The following BRD10 variants were observed in gnomAD, a reference collection of about 807,000 sequenced individuals.
BRD10 encodes uncharacterized bromodomain-containing protein 10.
the BRD10 span, among the ~76,000 whole-genome samples, chr9:5,955,769 T>G: frequency 6.6e-6 from 1 of 151,478 alleles, no homozygotes; most frequent in Non-Finnish European, 1.5e-5. Flanking sequence ...GTTATTTACT[T>G]CTGTGCTTAC....
At chr9:5,890,579 T>C in the BRD10 span, among the ~76,000 whole-genome samples, 1 of 152,142 alleles carries the variant, frequency 6.6e-6, no homozygotes. Context: ...GCAAAAGTAA[T>C]TGTGGTGTCG....
At chr9:5,966,744 C>A in the BRD10 span, among the ~76,000 whole-genome samples, 1 of 151,998 alleles carries the variant, frequency 6.6e-6, no homozygotes, top group Non-Finnish European at 1.5e-5. Context: ...AGGTGTAAGC[C>A]ACCGTGCCCA....
At chr9:5,997,899 CATAATAA>C in the BRD10 span, among the ~76,000 whole-genome samples, 2 of 152,252 alleles carry the variant, frequency 1.3e-5, no homozygotes, top group South Asian at 4.1e-4. Context: ...ACACACAATA[CATAATAA>C]ATAAGTTCAA....
the BRD10 span, among the ~76,000 whole-genome samples, chr9:5,993,727 C>T: frequency 6.6e-6 from 1 of 152,076 alleles, no homozygotes; most frequent in Non-Finnish European, 1.5e-5. Context: ...CCTGTCAGTC[C>T]CTCCTATTGG....
the BRD10 span, among the ~76,000 whole-genome samples, chr9:5,954,931 T>C: frequency 6.6e-6 from 1 of 151,882 alleles, no homozygotes; most frequent in African/African-American, 2.4e-5. Context: ...CTACTAAAAA[T>C]ACAAAAATTA....
At chr9:5,929,883 A>G in the BRD10 span, among the ~76,000 whole-genome samples, 2 of 152,282 alleles carry the variant, frequency 1.3e-5, no homozygotes, top group African/African-American at 2.4e-5. Flanking sequence ...TTAAGGTCCT[A>G]TAACTTAAAC....
At chr9:5,954,003 T>G in the BRD10 span, 7 of 1,504,158 alleles carry the variant, frequency 4.7e-6, no homozygotes, top group African/African-American at 9.7e-5. Context: ...CGAGACAAAG[T>G]TGAAACATTT....
At chr9:5,945,200 C>A in the BRD10 span, among the ~76,000 whole-genome samples, 11 of 152,178 alleles carry the variant, frequency 7.2e-5, no homozygotes, top group Admixed American at 2.6e-4. Context: ...CCCACATCCC[C>A]ACCTTTCAGT....
At chr9:5,893,852 G>A in the BRD10 span, among the ~76,000 whole-genome samples, 2 of 152,088 alleles carry the variant, frequency 1.3e-5, no homozygotes, top group East Asian at 3.9e-4. Flanking sequence ...TGAAGGAGAG[G>A]CTAGGACCGT....
At chr9:5,904,708 C>T in the BRD10 span, among the ~76,000 whole-genome samples, 8 of 151,672 alleles carry the variant, frequency 5.3e-5, no homozygotes, top group African/African-American at 1.9e-4. Flanking sequence ...TCAAGTGATC[C>T]ACCCACTTGG....
At chr9:5,904,217 G>A in the BRD10 span, among the ~76,000 whole-genome samples, 13 of 152,248 alleles carry the variant, frequency 8.5e-5, no homozygotes, top group East Asian at 2.5e-3. Flanking sequence ...AGGGTTTCTT[G>A]TAGAGAACAC....
At chr9:5,970,235 G>A in the BRD10 span, among the ~76,000 whole-genome samples, 2 of 151,762 alleles carry the variant, frequency 1.3e-5, no homozygotes, top group African/African-American at 4.8e-5. Context: ...TTTAAAATTG[G>A]GAAATAAACT....
chr9:5,892,763 G>T, the BRD10 span, among the ~76,000 whole-genome samples: 5 of 152,202 alleles, frequency 3.3e-5, no homozygotes, highest in African/African-American at 1.2e-4. Flanking sequence ...AGATGGGAAT[G>T]GTATAAGGTT....
chr9:6,003,655 A>T, the BRD10 span, among the ~76,000 whole-genome samples: 1 of 152,174 alleles, frequency 6.6e-6, no homozygotes, highest in South Asian at 2.1e-4. Flanking sequence ...AAAAGGCAAT[A>T]TACACACCAG....
the BRD10 span, chr9:5,933,814 A>AT: frequency 2.1e-6 from 1 of 471,446 alleles, no homozygotes; most frequent in Non-Finnish European, 4.4e-6. Flanking sequence ...CAGCACCAGC[A>AT]TAACACTGGC....
the BRD10 span, among the ~76,000 whole-genome samples, chr9:5,881,219 A>T: frequency 6.6e-6 from 1 of 152,184 alleles, no homozygotes; most frequent in Non-Finnish European, 1.5e-5. Flanking sequence ...AATGAGCAGG[A>T]TTTATGGGAG....
At chr9:5,919,617 A>G in the BRD10 span, 1 of 1,399,838 alleles carries the variant, frequency 7.1e-7, no homozygotes, top group Non-Finnish European at 9.6e-7. Flanking sequence ...TATAATAAAC[A>G]TTGAAAATTT....
chr9:5,885,093 C>T, the BRD10 span, among the ~76,000 whole-genome samples: 3 of 152,218 alleles, frequency 2.0e-5, no homozygotes, highest in Non-Finnish European at 4.4e-5. Flanking sequence ...GCTGCTGGGG[C>T]TTCCCCTTTC....
chr9:5,918,239 C>T, the BRD10 span, among the ~76,000 whole-genome samples: 1 of 152,158 alleles, frequency 6.6e-6, no homozygotes, highest in Non-Finnish European at 1.5e-5. Context: ...ATAACAAATA[C>T]ACTTTGATGT....
Sources: gnomAD v4.1 joint callset for allele counts (sites outside exome capture counted in the v4.1 genomes callset) on GRCh38, gnomAD v4.1.1 for gene constraint, MANE v1.5 for transcripts, NCBI Gene and HGNC (gene_info 2026-07-23, HGNC 2026-07-21) for gene names.